CD44: variants seen among roughly 807,000 people sequenced by gnomAD.
CD44 encodes CD44 molecule (IN blood group), also known as CD44 antigen.
Under a neutral mutation model 88.8 loss-of-function variants are expected in CD44, and 49 were observed. The ratio of observed to expected loss-of-function variants is 0.55; its 90% CI spans 0.44 to 0.70. CD44 has a LOEUF of 0.70. CD44 is among the 30% of genes least tolerant of loss of function. The pLI is 0.00. For missense variants in CD44, 883 were observed against 913.8 expected (o/e 0.97, Z 0.43); for synonymous variants, 325 against 312.3 (o/e 1.04, Z -0.43).
Position 35,172,005 on chromosome 11 carries a change from A to G in CD44, c.68-4570A>G, listed in dbSNP as rs1943961501. 2.0e-5 allele frequency among the ~76,000 whole-genome samples: 3 copies of G among 152,126 alleles called. No homozygotes were observed. In the South Asian group the frequency reaches 6.2e-4, roughly 31 times the overall value. On this transcript the variant is annotated intron_variant, in intron 1 of 17. Transcript: ENST00000428726. ...AGACTCTCTGGTGAAGCTTTTCGAT[A>G]CATTTTTTCTTCAAAAGCTTGGGCT...
At position 35,196,816 on chromosome 11, in the gene CD44, A is replaced by C. The variant is rs777462766; in HGVS notation, c.738A>C (p.Ser246=). The C allele has an allele frequency of 1.9e-6, 3 of 1,613,844 alleles. No homozygotes were observed. The South Asian group carries it at 3.3e-5, about 18-fold the overall frequency. ...GGCAAGAAACCTGGGATTGGTTTTCATGGTTGTTTCTACCATCAGAGTCAA... is the reference window on the plus strand; with the variant it reads ...GGCAAGAAACCTGGGATTGGTTTTCCTGGTTGTTTCTACCATCAGAGTCAA... The part of the protein sequence containing the change: ...TKRQETWDWF[S]WLFLPSESKN... Residue 246 remains serine (S), a synonymous_variant, in exon 6 of 18, where the codon TCA becomes TCC. Coordinates refer to ENST00000428726, the MANE Select transcript of CD44 (RefSeq NM_000610.4).
At chr11:35,191,280 G>T (rs1267876193) in intron 5 of CD44, among the ~76,000 whole-genome samples, 1 of 152,182 alleles carries the variant, frequency 6.6e-6, no homozygotes, top group African/African-American at 2.4e-5. Flanking sequence ...TTGCGCAATA[G>T]TGTTTTAAAT....
chr11:35,213,260 C>T (rs779905034), intron 14 of CD44, among the ~76,000 whole-genome samples: 33 of 152,180 alleles, frequency 2.2e-4, no homozygotes, highest in Non-Finnish European at 3.5e-4. Context: ...CACAGTGGTA[C>T]GGACAGATTT....
intron 1 of CD44, among the ~76,000 whole-genome samples, chr11:35,140,321 T>G (rs778516808): frequency 3.7e-4 from 56 of 152,334 alleles, no homozygotes; most frequent in Non-Finnish European, 7.2e-4. Flanking sequence ...TGTCTATGTA[T>G]GTACAGATAA....
intron 11 of CD44, 63 bp from the exon 12 acceptor site, chr11:35,208,042 A>G (rs1037232509): frequency 1.0e-6 from 1 of 993,668 alleles, no homozygotes; most frequent in Non-Finnish European, 1.6e-6. Flanking sequence ...GCTGTAGACC[A>G]TAAGCCACCT....
At chr11:35,182,546 C>T (rs1048176233) in intron 3 of CD44, among the ~76,000 whole-genome samples, 1 of 152,200 alleles carries the variant, frequency 6.6e-6, no homozygotes, top group African/African-American at 2.4e-5. Context: ...ACGACTCATA[C>T]ATACTCAGTT....
intron 15 of CD44, 32 bp downstream of exon 15, chr11:35,214,946 TTA>T: frequency 7.1e-7 from 1 of 1,402,722 alleles, no homozygotes; most frequent in Non-Finnish European, 9.7e-7. Context: ...TCATTTACTG[TTA>T]TAATCATTGA....
At chr11:35,143,244 T>C (rs1226849512) in intron 1 of CD44, among the ~76,000 whole-genome samples, 1 of 151,902 alleles carries the variant, frequency 6.6e-6, no homozygotes, top group Non-Finnish European at 1.5e-5. Context: ...GGAACATCGC[T>C]AGATGGTCAG....
intron 1 of CD44, among the ~76,000 whole-genome samples, chr11:35,171,581 A>G (rs78726061): frequency 0.087 from 13,293 of 152,274 alleles, 684 homozygotes; most frequent in Admixed American, 0.16. Context: ...TCACTTGCAT[A>G]CAAACATATA....
intron 2 of CD44, among the ~76,000 whole-genome samples, chr11:35,179,580 A>G (rs972467081): frequency 1.3e-5 from 2 of 152,286 alleles, no homozygotes; most frequent in South Asian, 2.1e-4. Flanking sequence ...CCTGAGCTAC[A>G]TGAGCCGTTG....
chr11:35,156,399 T>C (rs1941867362), intron 1 of CD44, among the ~76,000 whole-genome samples: 1 of 152,228 alleles, frequency 6.6e-6, no homozygotes, highest in Admixed American at 6.5e-5. Context: ...AAAATGGACC[T>C]GAAGGATGTG....
At chr11:35,181,300 C>A in intron 3 of CD44, among the ~76,000 whole-genome samples, 1 of 152,100 alleles carries the variant, frequency 6.6e-6, no homozygotes, top group East Asian at 1.9e-4. Context: ...ACAGGCCAGC[C>A]TTTCTCTATG....
chr11:35,224,236 G>T (rs10836345), intron 17 of CD44, among the ~76,000 whole-genome samples: 1 of 152,094 alleles, frequency 6.6e-6, no homozygotes, highest in Admixed American at 6.5e-5. Flanking sequence ...CTGGGTTGGG[G>T]GTTCTATTAC....
intron 3 of CD44, among the ~76,000 whole-genome samples, chr11:35,186,044 G>A (rs553056930): frequency 1.7e-4 from 19 of 113,482 alleles, no homozygotes; most frequent in Non-Finnish European, 2.7e-4. Context: ...AGGATAAAAC[G>A]AGAACAAGAG....
chr11:35,209,885 C>A, intron 12 of CD44, 80 bp from the exon 13 acceptor site: 1 of 886,696 alleles, frequency 1.1e-6, no homozygotes, highest in Non-Finnish European at 1.8e-6. Flanking sequence ...TCTACTCTAG[C>A]TAGATTTTCC....
intron 1 of CD44, among the ~76,000 whole-genome samples, chr11:35,171,855 T>G (rs1407938288): frequency 1.3e-5 from 2 of 150,302 alleles, no homozygotes; most frequent in South Asian, 2.1e-4. Flanking sequence ...AAAAAAAAAG[T>G]CAGAAGGAGT....
At chr11:35,159,854 C>T (rs1191194269) in intron 1 of CD44, among the ~76,000 whole-genome samples, 4 of 152,218 alleles carry the variant, frequency 2.6e-5, no homozygotes, top group African/African-American at 9.7e-5. Flanking sequence ...TCCCATTCAG[C>T]TTCATGGGAT....
intron 1 of CD44, among the ~76,000 whole-genome samples, chr11:35,171,001 A>G (rs1172537545): frequency 3.3e-5 from 5 of 152,238 alleles, no homozygotes; most frequent in Non-Finnish European, 7.3e-5. Context: ...GGATACTAAT[A>G]TTACCCACCT....
chr11:35,139,281 G>A lies in CD44; in HGVS notation c.-23G>A, dbSNP rs745340255. The A allele has an allele frequency of 1.9e-6, 3 of 1,552,176 alleles. No individual in the cohort carries two copies. The highest frequency in any genetic ancestry group is 1.7e-4 in the Middle Eastern group (1 of 5,950). ...GGATCCTCCAGCTCCTTTCGCCCGC[G>A]CCCTCCGTTCGCTCCGGACACCATG... is the stretch of plus-strand genomic sequence containing the variant. On this transcript the variant is annotated 5_prime_UTR_variant, in exon 1 of 18. Transcript: ENST00000428726.
Sources: allele counts gnomAD v4.1 joint callset (sites outside exome capture counted in the v4.1 genomes callset), GRCh38; gene constraint gnomAD v4.1.1; transcripts MANE v1.5; gene names NCBI Gene and HGNC (gene_info 2026-07-23, HGNC 2026-07-21).